The following LRP5 variants were observed in gnomAD, a reference collection of about 807,000 sequenced individuals.
The protein encoded by LRP5 is LDL receptor related protein 5.
Under a neutral mutation model 154.1 loss-of-function variants are expected in LRP5, and 62 were observed. The observed-to-expected ratio is 0.40, with a 90% CI of 0.33 to 0.50. The LOEUF (loss-of-function observed/expected upper bound fraction) is 0.50, where lower values mean the gene tolerates loss of function less well. Ranked by LOEUF, LRP5 falls within the 20% of genes least tolerant of loss-of-function variation. The pLI is 0.55. For synonymous variants in LRP5, 966 were observed against 1,011.5 expected, an observed-to-expected ratio of 0.96 and a Z score of 0.85; for missense variants, 1,915 against 2,336.7, an observed-to-expected ratio of 0.82 and a Z score of 3.72.
chr11:68,406,338 C>T (rs549296511), intron 8 of LRP5, among the ~76,000 whole-genome samples, 186 bp from the exon 9 acceptor site: 9 of 152,282 alleles, frequency 5.9e-5, no homozygotes, highest in Non-Finnish European at 8.8e-5. Flanking sequence ...GTGAAAGGTG[C>T]GTGTGTGTTT....
chr11:68,359,025 TG>T, intron 3 of LRP5, among the ~76,000 whole-genome samples: 1 of 152,344 alleles, frequency 6.6e-6, no homozygotes, highest in East Asian at 1.9e-4. Flanking sequence ...CTTGAGGGCT[TG>T]GGCAGCTTTG....
chr11:68,412,778 A>G (rs2098660362), intron 11 of LRP5, among the ~76,000 whole-genome samples: 2 of 152,194 alleles, frequency 1.3e-5, no homozygotes. Flanking sequence ...AGGGACCTTC[A>G]GTGACCTTGG....
chr11:68,411,182 G>C (rs1033197136), intron 10 of LRP5, among the ~76,000 whole-genome samples: 1 of 152,166 alleles, frequency 6.6e-6, no homozygotes, highest in African/African-American at 2.4e-5. Context: ...TTTTGTGTCC[G>C]TAAGTGGGTA....
chr11:68,409,245 AAT>A lies in LRP5; in HGVS notation c.2092-663_2092-662del, dbSNP rs1283416384. Among the ~76,000 whole-genome samples, 11 of 140,892 alleles carry A rather than the reference AAT, an allele frequency of 7.8e-5. No homozygotes were observed. In the East Asian group the frequency reaches 2.2e-3, roughly 28 times the overall value. The allele number at this position is 140,892 out of a possible 152,430, so 92.4% of individuals were successfully genotyped here. A position where few individuals can be genotyped will look rare whatever the true frequency, so the allele number is the denominator to read the frequency against. ...ATATAATATAAAATATATATTATAT[AAT>A]ATATAATAAAATATATAATATAAAA... is the stretch of plus-strand genomic sequence containing the variant. On this transcript the variant is annotated intron_variant, in intron 9 of 22. Transcript: ENST00000294304.
chr11:68,446,636 C>G, intron 22 of LRP5, 103 bp downstream of exon 22: 2 of 1,072,248 alleles, frequency 1.9e-6, no homozygotes, highest in Non-Finnish European at 2.8e-6. Flanking sequence ...ATTCTGGGTG[C>G]TAGTGGGCAG....
chr11:68,347,618 C>T (rs368120525), intron 1 of LRP5, among the ~76,000 whole-genome samples: 1 of 152,180 alleles, frequency 6.6e-6, no homozygotes, highest in East Asian at 1.9e-4. Flanking sequence ...GTGCTGTCAC[C>T]GAATGTGGGA....
At position 68,406,505 on chromosome 11, in the gene LRP5, C is replaced by G; in HGVS notation, c.1802-19C>G. 2 of 1,613,744 alleles carry G rather than the reference C, an allele frequency of 1.2e-6. No individual in the cohort carries two copies. The highest frequency in any genetic ancestry group is 1.7e-6 in the Non-Finnish European group (2 of 1,179,832). ...TGGGCTGTTGATGTTTAGACTGGAG[C>G]CTCTGTGTTCGCTTCCAGGAACCAA... On this transcript the variant is annotated intron_variant, in intron 8 of 22. Coordinates refer to ENST00000294304, the MANE Select transcript of LRP5 (RefSeq NM_002335.4).
In LRP5 at chr11:68,385,670, A is replaced by G. The variant is rs548512251; in HGVS notation, c.1016-646A>G. Among the ~76,000 whole-genome samples, 547 of 151,868 alleles carry G rather than the reference A, an allele frequency of 3.6e-3. 2 individuals are homozygous for G. Among genetic ancestry groups the G allele is most frequent in the Non-Finnish European group, 5.5e-3 (377 of 67,942 alleles). On this transcript the variant is annotated intron_variant, in intron 5 of 22. Coordinates refer to ENST00000294304, the MANE Select transcript of LRP5 (RefSeq NM_002335.4). Reference sequence around the variant, plus strand: ...AAAGTGCCCCCGGGTCTCAGGCCTCAGAACCAGGGTTTCCCTTCATCTCGG... The same window carrying G: ...AAAGTGCCCCCGGGTCTCAGGCCTCGGAACCAGGGTTTCCCTTCATCTCGG...
chr11:68,433,211 G>T (rs1308476820), intron 17 of LRP5, among the ~76,000 whole-genome samples: 2 of 152,232 alleles, frequency 1.3e-5, no homozygotes, highest in Non-Finnish European at 2.9e-5. Flanking sequence ...TGGCTGAGCA[G>T]ATGTGTGTTG....
intron 1 of LRP5, among the ~76,000 whole-genome samples, chr11:68,328,195 G>C (rs1172129680): frequency 6.6e-6 from 1 of 152,004 alleles, no homozygotes. Context: ...TGCTGATGGC[G>C]GCCTTCGGGC....
At chr11:68,321,070 T>G (rs1236528300) in intron 1 of LRP5, among the ~76,000 whole-genome samples, 2 of 149,378 alleles carry the variant, frequency 1.3e-5, no homozygotes, top group African/African-American at 4.9e-5. Flanking sequence ...TTTTTTTTTT[T>G]TTTTTTTTTT....
chr11:68,350,615 C>A (rs774139555), intron 2 of LRP5, among the ~76,000 whole-genome samples: 21 of 152,248 alleles, frequency 1.4e-4, no homozygotes, highest in Admixed American at 6.5e-5. Flanking sequence ...GTTGCCAGAT[C>A]CTGCAGATGC....
At chr11:68,362,818 C>G (rs1191330482) in intron 3 of LRP5, among the ~76,000 whole-genome samples, 1 of 152,240 alleles carries the variant, frequency 6.6e-6, no homozygotes, top group African/African-American at 2.4e-5. Flanking sequence ...CCCATCTTCC[C>G]TGTGCCACTT....
At chr11:68,418,941 T>C (rs2098664034) in intron 13 of LRP5, among the ~76,000 whole-genome samples, 1 of 152,196 alleles carries the variant, frequency 6.6e-6, no homozygotes, top group Admixed American at 6.5e-5. Flanking sequence ...TGCGTTCTTT[T>C]ATGGTGTCTG....
intron 1 of LRP5, among the ~76,000 whole-genome samples, chr11:68,321,878 T>G (rs181868500): frequency 3.3e-4 from 50 of 152,264 alleles, no homozygotes; most frequent in Middle Eastern, 6.8e-3. Context: ...CATTAATAGC[T>G]ATCTGAGCGT....
chr11:68,427,973 T>TA (rs1249661609), intron 16 of LRP5, among the ~76,000 whole-genome samples: 8,261 of 46,218 alleles, frequency 0.18, 319 homozygotes, highest in East Asian at 0.27. Context: ...TTATTTTATT[T>TA]TTTTTATTTA....
intron 1 of LRP5, among the ~76,000 whole-genome samples, chr11:68,325,152 A>G (rs1415948803): frequency 3.3e-5 from 5 of 152,124 alleles, no homozygotes; most frequent in Admixed American, 3.3e-4. Context: ...TTAACCAGTG[A>G]TCTGATCTCA....
In LRP5 at chr11:68,363,857, G is replaced by A. The variant is rs1410398990; in HGVS notation, c.797G>A (p.Arg266His). The A allele has an allele frequency of 7.4e-6, 12 of 1,613,020 alleles. No homozygotes were observed. Among genetic ancestry groups the A allele is most frequent in the Admixed American group, 1.7e-5 (1 of 59,938 alleles). ...QTRSIHACNKRTGGKRKEILS... is the reference protein window; with the variant it reads ...QTRSIHACNKHTGGKRKEILS... ...CGCTCCATCCATGCCTGCAACAAGC[G>A]CACTGGGGGGAAGAGGAAGGAGATC... Residue 266 changes from arginine (R) to histidine (H), a missense_variant, in exon 4 of 23, where the codon CGC (arginine) becomes CAC (histidine). Coordinates refer to ENST00000294304, the MANE Select transcript of LRP5 (RefSeq NM_002335.4).
intron 2 of LRP5, among the ~76,000 whole-genome samples, chr11:68,356,837 G>A (rs185875714): frequency 1.2e-4 from 18 of 152,042 alleles, no homozygotes; most frequent in African/African-American, 4.3e-4. Context: ...TTTCCAGAGT[G>A]TTTAGAACTG....
Sources: allele counts gnomAD v4.1 joint callset (sites outside exome capture counted in the v4.1 genomes callset), GRCh38; gene constraint gnomAD v4.1.1; transcripts MANE v1.5; gene names NCBI Gene and HGNC (gene_info 2026-07-23, HGNC 2026-07-21).